Variants in POTEJ observed in about 807,000 individuals in gnomAD.
POTEJ encodes the protein POTE ankyrin domain family, member J.
Under a neutral mutation model 69.0 loss-of-function variants are expected in POTEJ, and 11 were observed. That is an observed-to-expected ratio of 0.16 (90% CI 0.10 to 0.26). The LOEUF (loss-of-function observed/expected upper bound fraction) is 0.26. Among genes scored for constraint, POTEJ ranks in the 10% least tolerant of loss-of-function variants. The pLI, the probability that POTEJ is intolerant of heterozygous loss-of-function variation, is 1.00. For synonymous variants in POTEJ, 117 were observed against 381.1 expected (o/e 0.31, Z 8.07); for missense variants, 327 against 1,045.5 (o/e 0.31, Z 9.48).
At chr2:130,640,645 C>T (rs1235833490) in intron 10 of POTEJ, among the ~76,000 whole-genome samples, 115 of 151,718 alleles carry the variant, frequency 7.6e-4, no homozygotes, top group South Asian at 1.5e-3. Flanking sequence ...CTTTTCTTCA[C>T]GTGTGTCTTT....
intron 10 of POTEJ, among the ~76,000 whole-genome samples, chr2:130,642,012 A>G (rs1249632331): frequency 1.3e-5 from 2 of 151,636 alleles, no homozygotes; most frequent in South Asian, 2.1e-4. Flanking sequence ...CTGCCAGAAA[A>G]GAAAGAGCAA....
chr2:130,644,464 A>C (rs1167659658), intron 11 of POTEJ, among the ~76,000 whole-genome samples: 1 of 152,176 alleles, frequency 6.6e-6, no homozygotes, highest in Non-Finnish European at 1.5e-5. Flanking sequence ...GCGAGACTCC[A>C]TCTGAAAAAA....
chr2:130,631,784 C>G (rs1416085936), intron 8 of POTEJ, among the ~76,000 whole-genome samples: 1 of 139,844 alleles, frequency 7.2e-6, no homozygotes, highest in South Asian at 2.1e-4. Context: ...AAGATAGCTT[C>G]TTATTCTGTG....
intron 3 of POTEJ, among the ~76,000 whole-genome samples, 189 bp from the exon 4 acceptor site, chr2:130,619,856 G>C (rs1331612563): frequency 1.3e-5 from 2 of 151,272 alleles, no homozygotes; most frequent in Admixed American, 6.6e-5. Context: ...CTGTGGTGAG[G>C]CAGAGAAGGG....
At chr2:130,656,491 G>C in intron 14 of POTEJ, 58 bp from the exon 15 acceptor site, 1 of 1,559,162 alleles carries the variant, frequency 6.4e-7, no homozygotes, top group South Asian at 1.2e-5. Context: ...AATTTCAAAA[G>C]AAATCATGTT....
intron 9 of POTEJ, among the ~76,000 whole-genome samples, chr2:130,634,019 C>T (rs1200033953): frequency 6.7e-3 from 970 of 144,698 alleles, no homozygotes; most frequent in African/African-American, 0.026. Flanking sequence ...TCTAGTGATC[C>T]TCCCACCTCA....
At chr2:130,611,365 C>T (rs1217949433), upstream of POTEJ, 9 of 491,222 alleles carry the variant, frequency 1.8e-5, no homozygotes, top group East Asian at 3.1e-4. Flanking sequence ...GTGGGTTTTC[C>T]CTGGGTGGGG....
intron 6 of POTEJ, among the ~76,000 whole-genome samples, chr2:130,624,808 G>A (rs1203317507): frequency 6.6e-6 from 1 of 152,062 alleles, no homozygotes; most frequent in African/African-American, 2.4e-5. Flanking sequence ...CACTATTACT[G>A]ACTTCATTCC....
intron 5 of POTEJ, among the ~76,000 whole-genome samples, chr2:130,622,332 C>T (rs1307435649): frequency 3.2e-5 from 1 of 31,430 alleles, no homozygotes; most frequent in Admixed American, 3.8e-4. Flanking sequence ...CCAAATTGAC[C>T]CTTCCCCACA....
Position 130,657,079 on chromosome 2 carries a change from G to T in POTEJ, c.2319G>T (p.Leu773=), listed in dbSNP as rs1248053574. Residue 773 remains leucine, a synonymous_variant, in exon 15 of 15, where the codon CTG becomes CTT. Transcript: ENST00000409602. The part of the protein sequence containing the change: ...EHPILLTEAP[L]NPKANREKMT... ...CCATCCTGCTGACCGAGGCCCCCCT[G>T]AACCCCAAGGCCAACCGCGAGAAGA... 1 of 1,580,350 alleles carries T rather than the reference G, an allele frequency of 6.3e-7. No homozygotes were observed. Among genetic ancestry groups the T allele is most frequent in the Non-Finnish European group, 8.6e-7 (1 of 1,156,760 alleles).
intron 10 of POTEJ, among the ~76,000 whole-genome samples, chr2:130,640,486 G>GT (rs1300511818): frequency 3.3e-5 from 5 of 151,682 alleles, no homozygotes; most frequent in Admixed American, 6.6e-5. Context: ...AACCAGAGTT[G>GT]TTTTTTTATT....
chr2:130,648,780 A>AAT (rs1686688063), intron 13 of POTEJ, among the ~76,000 whole-genome samples: 1 of 123,462 alleles, frequency 8.1e-6, no homozygotes, highest in Admixed American at 8.7e-5. Context: ...TCTTTCTCAT[A>AAT]GTTTTTTTTT....
intron 10 of POTEJ, among the ~76,000 whole-genome samples, chr2:130,640,975 G>C (rs1483667368): frequency 2.6e-5 from 4 of 151,916 alleles, no homozygotes; most frequent in South Asian, 2.1e-4. Flanking sequence ...TCTGGTTATG[G>C]TGTAAAATGG....
chr2:130,625,999 A>G (rs1685690295), intron 6 of POTEJ, among the ~76,000 whole-genome samples: 1 of 140,204 alleles, frequency 7.1e-6, no homozygotes, highest in Admixed American at 7.0e-5. Flanking sequence ...GCAGTGTTTT[A>G]TTCACGTCTC....
chr2:130,644,432 A>G (rs1686510380), intron 11 of POTEJ, among the ~76,000 whole-genome samples: 2 of 152,124 alleles, frequency 1.3e-5, no homozygotes, highest in Admixed American at 6.5e-5. Flanking sequence ...ATCCACCACT[A>G]CACTCCAGCC....
In POTEJ at chr2:130,631,747, G is replaced by T. The variant is rs1235894137; in HGVS notation, c.1131+294G>T. Reference sequence around the variant, plus strand: ...ATTTTATCTTTCTTGGTTTTAGTCTGATTATCAATAGATAATGTGGCTAAA... The same window carrying T: ...ATTTTATCTTTCTTGGTTTTAGTCTTATTATCAATAGATAATGTGGCTAAA... On this transcript the variant is annotated intron_variant, in intron 8 of 14. Coordinates refer to ENST00000409602, the MANE Select transcript of POTEJ (RefSeq NM_001277083.2). Among the ~76,000 whole-genome samples the T allele has an allele frequency of 1.4e-5, 2 of 141,752 alleles. 1 individual carries two copies. Among genetic ancestry groups the T allele is most frequent in the African/African-American group, 5.7e-5 (2 of 35,302 alleles). 93.0% of individuals were successfully genotyped at this position (141,752 alleles called of 152,430 possible). A position where few individuals can be genotyped will look rare whatever the true frequency, so the allele number is the denominator to read the frequency against.
intron 6 of POTEJ, 59 bp downstream of exon 6, chr2:130,624,193 G>C (rs1489272369): frequency 8.6e-7 from 1 of 1,160,298 alleles, no homozygotes; most frequent in Non-Finnish European, 1.2e-6. Flanking sequence ...TTGACACCAG[G>C]GACCGGTTTT....
At position 130,641,217 on chromosome 2, in the gene POTEJ, A is replaced by C. The variant is rs866241782; in HGVS notation, c.1369+2528A>C. ...TTCCTGGGATTGATGGGAGATAATCATGCAAAGAAACCAGGAGACAAAGGA... is the reference window on the plus strand; with the variant it reads ...TTCCTGGGATTGATGGGAGATAATCCTGCAAAGAAACCAGGAGACAAAGGA... On this transcript the variant is annotated intron_variant, in intron 10 of 14. Transcript: ENST00000409602. Among the ~76,000 whole-genome samples the C allele has an allele frequency of 3.9e-5, 6 of 152,266 alleles. No individual in the cohort carries two copies. In the South Asian group the frequency reaches 1.2e-3, roughly 32 times the overall value.
At chr2:130,620,599 C>A (rs952040692) in intron 4 of POTEJ, among the ~76,000 whole-genome samples, 2 of 132,298 alleles carry the variant, frequency 1.5e-5, no homozygotes, top group East Asian at 2.3e-4. Flanking sequence ...CTTTAAGTTG[C>A]TTTCTTTGAA....
Sources: allele counts gnomAD v4.1 joint callset (sites outside exome capture counted in the v4.1 genomes callset), GRCh38; gene constraint gnomAD v4.1.1; transcripts MANE v1.5; gene names NCBI Gene and HGNC (gene_info 2026-07-23, HGNC 2026-07-21).